The following OXR1 variants were observed in gnomAD, a reference collection of about 807,000 sequenced individuals.
OXR1 encodes oxidation resistance 1.
Under a neutral mutation model 104.6 loss-of-function variants are expected in OXR1, and 41 were observed. The ratio of observed to expected loss-of-function variants is 0.39; its 90% CI spans 0.31 to 0.51. The LOEUF is 0.51. OXR1 is among the 20% of genes least tolerant of loss of function. OXR1 has a pLI of 0.77. For synonymous variants in OXR1, 348 were observed against 348.4 expected, an observed-to-expected ratio of 1.00 and a Z score of 0.01; for missense variants, 955 against 1,031.9, an observed-to-expected ratio of 0.93 and a Z score of 1.02.
At chr8:106,626,547 C>T (rs1822176213) in intron 3 of OXR1, among the ~76,000 whole-genome samples, 1 of 147,576 alleles carries the variant, frequency 6.8e-6, no homozygotes, top group Admixed American at 6.7e-5. Context: ...TTATTAAATC[C>T]ATGTTGTAAA....
chr8:106,677,951 G>A (rs1024801650), intron 3 of OXR1, among the ~76,000 whole-genome samples: 1 of 152,088 alleles, frequency 6.6e-6, no homozygotes, highest in Non-Finnish European at 1.5e-5. Context: ...CAGGCCCCTA[G>A]TTAGGCACTG....
chr8:106,674,165 G>A (rs7843781), intron 3 of OXR1, among the ~76,000 whole-genome samples: 2,459 of 152,316 alleles, frequency 0.016, 37 homozygotes, highest in Admixed American at 0.047. Context: ...GCCAGCTAGC[G>A]AAAGCAGCTG....
rs1335124625 is a variant in OXR1, at chr8:106,683,226, A to G, written c.331A>G (p.Ile111Val). ...TVESRDSLNS[I>V]ALKFDTTPNE... ...TGAATCAAGGGATTCTTTGAATAGC[A>G]TAGCCCTGAAGTTTGATACAACACC... Residue 111 changes from isoleucine to valine, a missense_variant, in exon 5 of 17, where the codon ATA (isoleucine) becomes GTA (valine). Coordinates refer to ENST00000517566, the MANE Select transcript of OXR1 (RefSeq NM_001198533.2). 2 of 1,594,868 alleles carry G rather than the reference A, an allele frequency of 1.3e-6. No individual in the cohort carries two copies. Among genetic ancestry groups the G allele is most frequent in the Non-Finnish European group, 1.7e-6 (2 of 1,163,628 alleles).
At chr8:106,625,389 T>C (rs1005868758) in intron 3 of OXR1, among the ~76,000 whole-genome samples, 7 of 151,976 alleles carry the variant, frequency 4.6e-5, no homozygotes, top group African/African-American at 1.7e-4. Context: ...GGATAGAAAA[T>C]GGATTTGTGA....
At chr8:106,358,853 A>C (rs1393233427) in intron 1 of OXR1, among the ~76,000 whole-genome samples, 1 of 152,100 alleles carries the variant, frequency 6.6e-6, no homozygotes, top group Non-Finnish European at 1.5e-5. Context: ...TTAGTGAATA[A>C]TTTAATTCAC....
chr8:106,523,364 G>A (rs1813399413), intron 3 of OXR1, among the ~76,000 whole-genome samples: 1 of 152,028 alleles, frequency 6.6e-6, no homozygotes, highest in Admixed American at 6.6e-5. Flanking sequence ...ATGTACACCA[G>A]AGGGGTGGGA....
intron 2 of OXR1, among the ~76,000 whole-genome samples, chr8:106,361,637 T>C (rs962915278): frequency 1.3e-5 from 2 of 152,232 alleles, no homozygotes; most frequent in Non-Finnish European, 2.9e-5. Flanking sequence ...GTAATTCTTC[T>C]ATATTCCTAA....
intron 11 of OXR1, chr8:106,726,302 A>T (rs756378619): frequency 3.1e-5 from 46 of 1,487,676 alleles, no homozygotes; most frequent in Non-Finnish European, 4.1e-5. Context: ...AATCATAAAT[A>T]CACTCTGGTA....
chr8:106,504,780 G>A (rs1000541648), intron 2 of OXR1, among the ~76,000 whole-genome samples: 1 of 152,126 alleles, frequency 6.6e-6, no homozygotes, highest in African/African-American at 2.4e-5. Context: ...AAATAGTTAT[G>A]TCATAATTTC....
rs187396336 is a variant in OXR1 at position 106,664,208 on chromosome 8, G to A, written c.221-15002G>A. 6.6e-5 allele frequency among the ~76,000 whole-genome samples: 10 copies of A among 152,304 alleles called. No homozygotes were observed. The East Asian group carries it at 1.9e-3, about 29-fold the overall frequency. Reference sequence around the variant, plus strand: ...TGTCTCACAGGATAGCTGATAGGAAGTTCTGTATTATCTATGTTGTAGAAC... The same window carrying A: ...TGTCTCACAGGATAGCTGATAGGAAATTCTGTATTATCTATGTTGTAGAAC... On this transcript the variant is annotated intron_variant, in intron 3 of 16. Coordinates refer to ENST00000517566, the MANE Select transcript of OXR1 (RefSeq NM_001198533.2).
intron 1 of OXR1, among the ~76,000 whole-genome samples, chr8:106,350,317 T>C (rs1815670986): frequency 6.6e-6 from 1 of 152,114 alleles, no homozygotes; most frequent in South Asian, 2.1e-4. Flanking sequence ...TCTCAAACTG[T>C]TTTAGGGTGA....
chr8:106,522,788 T>C (rs1813354927), intron 3 of OXR1: 1 of 152,234 alleles, frequency 6.6e-6, no homozygotes, highest in African/African-American at 2.4e-5. Context: ...ACTCTCTTTT[T>C]ATGATCACAA....
At chr8:106,508,344 C>T (rs1812302137) in intron 2 of OXR1, among the ~76,000 whole-genome samples, 1 of 152,270 alleles carries the variant, frequency 6.6e-6, no homozygotes, top group South Asian at 2.1e-4. Flanking sequence ...TAATTTTTAA[C>T]ATTTTATAAT....
chr8:106,406,172 A>G (rs370484202), intron 2 of OXR1, among the ~76,000 whole-genome samples: 23 of 152,206 alleles, frequency 1.5e-4, no homozygotes, highest in African/African-American at 5.3e-4. Context: ...TTGCATTTGT[A>G]TGAGTACCTG....
chr8:106,366,624 AT>A (rs539027890), intron 2 of OXR1, among the ~76,000 whole-genome samples: 2 of 152,196 alleles, frequency 1.3e-5, no homozygotes, highest in Non-Finnish European at 2.9e-5. Flanking sequence ...GATATTTCTA[AT>A]TTTTTTTAAA....
chr8:106,589,429 AAGGCCCC>A (rs1223907905), intron 3 of OXR1, among the ~76,000 whole-genome samples: 1 of 151,664 alleles, frequency 6.6e-6, no homozygotes, highest in Admixed American at 6.6e-5. Context: ...TTTTCAAAAC[AAGGCCCC>A]AGGACTCTCC....
At chr8:106,463,541 C>A (rs1454112595) in intron 2 of OXR1, among the ~76,000 whole-genome samples, 3 of 152,006 alleles carry the variant, frequency 2.0e-5, no homozygotes, top group Non-Finnish European at 4.4e-5. Flanking sequence ...GATTTTTTCA[C>A]CCCAAGACCT....
At chr8:106,303,392 C>T (rs892712786) in intron 1 of OXR1, among the ~76,000 whole-genome samples, 1 of 151,054 alleles carries the variant, frequency 6.6e-6, no homozygotes. Flanking sequence ...TAGCCCGCCA[C>T]CACGCCCGGC....
intron 3 of OXR1, among the ~76,000 whole-genome samples, chr8:106,673,287 A>C (rs1383991518): frequency 2.0e-5 from 3 of 152,220 alleles, no homozygotes; most frequent in Non-Finnish European, 4.4e-5. Context: ...TATGCTTTAC[A>C]AAGAGACTGG....
Sources: gnomAD v4.1 joint callset for allele counts (sites outside exome capture counted in the v4.1 genomes callset) on GRCh38, gnomAD v4.1.1 for gene constraint, MANE v1.5 for transcripts, NCBI Gene and HGNC (gene_info 2026-07-23, HGNC 2026-07-21) for gene names.